Variants in TOR3A observed in about 807,000 individuals in gnomAD.
TOR3A encodes torsin-3A.
In TOR3A, 44 loss-of-function variants were observed where a neutral mutation model predicts 42.1. That is an observed-to-expected ratio of 1.04 (90% CI 0.82 to 1.34). The LOEUF (loss-of-function observed/expected upper bound fraction) is 1.34, where lower values mean the gene tolerates loss of function less well. Ranked by LOEUF, TOR3A falls within the 40% of genes most tolerant of loss-of-function variation. TOR3A has a pLI of 0.00. For synonymous variants in TOR3A, 227 were observed against 213.2 expected (o/e 1.06, Z -0.57); for missense variants, 521 against 507.6 (o/e 1.03, Z -0.25).
At position 179,095,931 on chromosome 1, in the gene TOR3A, TA is replaced by T; in HGVS notation, c.*714del. ...GGAGGGGGGACCTTTTCAAAGACAA[TA>T]GGGGGTCTTGACATGTTTGTTGTAT... On this transcript the variant is annotated 3_prime_UTR_variant, in exon 6 of 6. Transcript: ENST00000367627. 1.1e-5 allele frequency: 11 copies of T among 980,990 alleles called. No individual in the cohort carries two copies. Among genetic ancestry groups the T allele is most frequent in the Non-Finnish European group, 1.3e-5 (11 of 826,960 alleles). The allele number at this position is 980,990 out of a possible 1,614,324, so 60.8% of individuals were successfully genotyped here. A position where few individuals can be genotyped will look rare whatever the true frequency, so the allele number is the denominator to read the frequency against.
At chr1:179,082,613 C>G in intron 1 of TOR3A, 1 of 715,698 alleles carries the variant, frequency 1.4e-6, no homozygotes, top group South Asian at 1.5e-5. Flanking sequence ...CGCCCGGCTT[C>G]CCGTCCCCCG....
chr1:179,095,579 A>G lies in TOR3A; in HGVS notation c.*361A>G, dbSNP rs1161976590. ...CCATGTGGGAGCTCAGCAAATCCCAAGGGCTTATTATGACACTCCAGATGG... is the reference window on the plus strand; with the variant it reads ...CCATGTGGGAGCTCAGCAAATCCCAGGGGCTTATTATGACACTCCAGATGG... On this transcript the variant is annotated 3_prime_UTR_variant, in exon 6 of 6. Coordinates refer to ENST00000367627, the MANE Select transcript of TOR3A (RefSeq NM_022371.4). The G allele has an allele frequency of 8.9e-7, 1 of 1,126,486 alleles. No homozygotes were observed. The highest frequency in any genetic ancestry group is 1.1e-6 in the Non-Finnish European group (1 of 917,134). 69.8% of individuals were successfully genotyped at this position (1,126,486 alleles called of 1,614,324 possible).
chr1:179,095,676 G>GGTTACAGAGC lies in TOR3A; in HGVS notation c.*459_*468dup, dbSNP rs1652721799. 2 of 1,004,168 alleles carry GGTTACAGAGC rather than the reference G, an allele frequency of 2.0e-6. No homozygotes were observed. Among genetic ancestry groups the GGTTACAGAGC allele is most frequent in the Admixed American group, 1.1e-4 (2 of 18,724 alleles). The allele number at this position is 1,004,168 out of a possible 1,614,324, so 62.2% of individuals were successfully genotyped here. A position where few individuals can be genotyped will look rare whatever the true frequency, so the allele number is the denominator to read the frequency against. ...GGCCTCAGAGGCTGTAGGGTCCTTG[G>GGTTACAGAGC]GTTACAGAGCCGGGGAGAACGAAGT... On this transcript the variant is annotated 3_prime_UTR_variant, in exon 6 of 6. Transcript: ENST00000367627.
In TOR3A at chr1:179,085,715, C is replaced by G; in HGVS notation, c.461C>G (p.Thr154Arg). 1 of 1,614,218 alleles carries G rather than the reference C, an allele frequency of 6.2e-7. No homozygotes were observed. The highest frequency in any genetic ancestry group is 8.5e-7 in the Non-Finnish European group (1 of 1,180,052). The change falls in exon 3 of 6, where the codon ACG (threonine) becomes AGG (arginine). Residue 154 changes from threonine to arginine, a missense_variant. Physicochemically the swap from Thr to Arg is moderately conservative, Grantham distance 71. Transcript: ENST00000367627. ...VLRTVRGYLE[T>R]PQPEKALALS... ...AGAACAGTGAGGGGCTACTTAGAGA[C>G]GCCCCAGCCAGAAAAGGCCCTTGCT... is the stretch of plus-strand genomic sequence containing the variant.
At chr1:179,091,405 G>A (rs1652577874) in intron 4 of TOR3A, among the ~76,000 whole-genome samples, 1 of 152,176 alleles carries the variant, frequency 6.6e-6, no homozygotes, top group Non-Finnish European at 1.5e-5. Context: ...GATGGGAGGG[G>A]CGGCGCGTAG....
At chr1:179,082,733 C>T (rs1042235890) in intron 1 of TOR3A, 21 of 703,948 alleles carry the variant, frequency 3.0e-5, no homozygotes, top group African/African-American at 3.0e-4. Flanking sequence ...AGGGAACGTC[C>T]GCTGTGGACA....
intron 4 of TOR3A, among the ~76,000 whole-genome samples, chr1:179,088,881 C>T (rs949064829): frequency 6.6e-6 from 1 of 152,238 alleles, no homozygotes; most frequent in Non-Finnish European, 1.5e-5. Flanking sequence ...GAAGGCTTCA[C>T]AACAGCTCGA....
rs756102241 is a variant in TOR3A, at chr1:179,094,079, CTT to C, written c.819-13_819-12del. 4 of 1,610,462 alleles carry C rather than the reference CTT, an allele frequency of 2.5e-6. No homozygotes were observed. The highest frequency in any genetic ancestry group is 2.2e-5 in the South Asian group (2 of 90,286). ...ATATAAACAAATGGGTTAACAAGCT[CTT>C]GTCTCTTTCAGTAATCTCAGGGGCG... On this transcript the variant is annotated splice_polypyrimidine_tract_variant and intron_variant, in intron 4 of 5. Transcript: ENST00000367627.
chr1:179,089,766 G>A (rs977230932), intron 4 of TOR3A, among the ~76,000 whole-genome samples: 4 of 152,126 alleles, frequency 2.6e-5, no homozygotes, highest in Non-Finnish European at 5.9e-5. Flanking sequence ...CCTTCCCACG[G>A]CACGGAGCAA....
At chr1:179,085,502 A>G in intron 2 of TOR3A, 126 bp from the exon 3 acceptor site, 1 of 1,230,758 alleles carries the variant, frequency 8.1e-7, no homozygotes, top group East Asian at 2.4e-5. Context: ...TTCTAAGGCC[A>G]AACAGGAGGA....
chr1:179,084,351 C>T (rs1345376403), intron 2 of TOR3A, among the ~76,000 whole-genome samples: 2 of 152,152 alleles, frequency 1.3e-5, no homozygotes, highest in African/African-American at 4.8e-5. Flanking sequence ...CTCAGCCTCC[C>T]GAGTGGCTGG....
chr1:179,088,290 T>C, intron 4 of TOR3A: 1 of 443,378 alleles, frequency 2.3e-6, no homozygotes, highest in Admixed American at 4.1e-5. Flanking sequence ...GCCGGGTCCC[T>C]TGAGTCCAGG....
rs778587222 is a variant in TOR3A at position 179,095,469 on chromosome 1, A to AT, written c.*253dup. On this transcript the variant is annotated 3_prime_UTR_variant, in exon 6 of 6. Coordinates refer to ENST00000367627, the MANE Select transcript of TOR3A (RefSeq NM_022371.4). The stretch of plus-strand genomic sequence containing the variant: ...ATTGCTGAATTCAAAAACAGAGCCC[A>AT]TTCTTAAGATCACTTGGTGCCTTAA... The AT allele has an allele frequency of 7.3e-6, 10 of 1,361,184 alleles. No individual in the cohort carries two copies. The highest frequency in any genetic ancestry group is 8.5e-6 in the Non-Finnish European group (9 of 1,058,390). 84.3% of individuals were successfully genotyped at this position (1,361,184 alleles called of 1,614,324 possible).
chr1:179,089,739 C>T (rs896452211), intron 4 of TOR3A, among the ~76,000 whole-genome samples: 4 of 152,144 alleles, frequency 2.6e-5, no homozygotes, highest in Non-Finnish European at 5.9e-5. Flanking sequence ...CTCTGAACCA[C>T]CGATGCGGAA....
chr1:179,094,815 C>G (rs924627956), intron 5 of TOR3A, among the ~76,000 whole-genome samples, 153 bp from the exon 6 acceptor site: 5 of 152,150 alleles, frequency 3.3e-5, no homozygotes, highest in African/African-American at 1.2e-4. Flanking sequence ...GAGGTGGAGG[C>G]TGCAAGGAGC....
At chr1:179,094,336 T>TAATC in intron 5 of TOR3A, 119 bp downstream of exon 5, 1 of 1,291,422 alleles carries the variant, frequency 7.7e-7, no homozygotes, top group Non-Finnish European at 1.0e-6. Context: ...GGGCAGACTA[T>TAATC]AATCATCTCA....
At chr1:179,091,226 G>A (rs1652573352) in intron 4 of TOR3A, among the ~76,000 whole-genome samples, 1 of 152,166 alleles carries the variant, frequency 6.6e-6, no homozygotes, top group Non-Finnish European at 1.5e-5. Context: ...GCAGGGGCTG[G>A]AGACGGGGGA....
At chr1:179,094,716 A>G (rs2102547570) in intron 5 of TOR3A, among the ~76,000 whole-genome samples, 1 of 151,866 alleles carries the variant, frequency 6.6e-6, no homozygotes, top group South Asian at 2.1e-4. Flanking sequence ...CCGTCTCTAG[A>G]AAAAAAACAA....
At chr1:179,082,664 C>T in intron 1 of TOR3A, 1 of 706,964 alleles carries the variant, frequency 1.4e-6, no homozygotes, top group African/African-American at 1.7e-5. Flanking sequence ...TCTCGCACCG[C>T]CTGTGCCATC....
Sources: allele counts gnomAD v4.1 joint callset (sites outside exome capture counted in the v4.1 genomes callset), GRCh38; gene constraint gnomAD v4.1.1; transcripts MANE v1.5; gene names NCBI Gene and HGNC (gene_info 2026-07-23, HGNC 2026-07-21).